MBNL1: variants seen among roughly 807,000 people sequenced by gnomAD.
The protein encoded by MBNL1 is muscleblind like splicing regulator 1, also known as muscleblind-like protein 1.
MBNL1 carries 8 observed loss-of-function variants against 42.2 expected under a neutral mutation model. That is an observed-to-expected ratio of 0.19 (90% CI 0.11 to 0.34). The LOEUF is 0.34. Ranked by LOEUF, MBNL1 falls within the 10% of genes least tolerant of loss-of-function variation. The pLI, the probability that MBNL1 is intolerant of heterozygous loss-of-function variation, is 1.00. For missense variants in MBNL1, 309 were observed against 495.3 expected, an observed-to-expected ratio of 0.62 and a Z score of 3.57; for synonymous variants, 169 against 173.9, an observed-to-expected ratio of 0.97 and a Z score of 0.22.
intron 2 of MBNL1, among the ~76,000 whole-genome samples, chr3:152,327,838 G>T (rs1222801141): frequency 1.3e-5 from 2 of 150,880 alleles, no homozygotes; most frequent in African/African-American, 4.9e-5. Context: ...GCTTTCTTTG[G>T]AGTTCTTGGT....
rs59868027 is a variant in MBNL1 at position 152,356,856 on chromosome 3, A to AGTGTGTGTGTGTGTGTGT, written c.174+56496_174+56513dup. On this transcript the variant is annotated intron_variant, in intron 2 of 9. Transcript: ENST00000324210. The stretch of plus-strand genomic sequence containing the variant: ...AGAGGGGATCTGGGCATATGTGTGT[A>AGTGTGTGTGTGTGTGTGT]GTGTGTGTGTGTGTGTGTGTGTGTT... Among the ~76,000 whole-genome samples, 484 of 149,482 alleles carry AGTGTGTGTGTGTGTGTGT rather than the reference A, an allele frequency of 3.2e-3. 5 individuals carry two copies. Among genetic ancestry groups the AGTGTGTGTGTGTGTGTGT allele is most frequent in the South Asian group, 0.029 (137 of 4,708 alleles).
intron 3 of MBNL1, among the ~76,000 whole-genome samples, chr3:152,418,954 G>T (rs1174544341): frequency 6.6e-6 from 1 of 151,970 alleles, no homozygotes; most frequent in African/African-American, 2.4e-5. Flanking sequence ...CTGACCTTGT[G>T]ATCCGCCTGC....
At chr3:152,373,341 GAAAAAAA>G (rs35536807) in intron 2 of MBNL1, among the ~76,000 whole-genome samples, 109 of 90,532 alleles carry the variant, frequency 1.2e-3, no homozygotes, top group African/African-American at 3.5e-3. Flanking sequence ...CTGGGGTATG[GAAAAAAA>G]AAAAAAAAAA....
intron 2 of MBNL1, among the ~76,000 whole-genome samples, chr3:152,333,329 A>G (rs2086683873): frequency 6.6e-6 from 1 of 152,228 alleles, no homozygotes; most frequent in Admixed American, 6.5e-5. Context: ...AAGCTGGTAA[A>G]TATCATTAAG....
At chr3:152,456,055 T>C (rs1036986584) in intron 7 of MBNL1, among the ~76,000 whole-genome samples, 2 of 151,466 alleles carry the variant, frequency 1.3e-5, no homozygotes, top group Non-Finnish European at 3.0e-5. Flanking sequence ...TTTTTCCCCC[T>C]TTTTTTTCTC....
chr3:152,314,714 G>A (rs1038367566), intron 2 of MBNL1, among the ~76,000 whole-genome samples: 13 of 152,188 alleles, frequency 8.5e-5, no homozygotes, highest in African/African-American at 2.7e-4. Context: ...TCATTTATGA[G>A]TTTGAGACTT....
chr3:152,309,666 G>A (rs1429846106), intron 2 of MBNL1, among the ~76,000 whole-genome samples: 1 of 152,144 alleles, frequency 6.6e-6, no homozygotes, highest in Non-Finnish European at 1.5e-5. Context: ...CAAAAATACA[G>A]ACATAATCAG....
chr3:152,268,803 C>T (rs774853717), upstream of MBNL1: 2 of 444,636 alleles, frequency 4.5e-6, no homozygotes, highest in South Asian at 3.1e-5. Context: ...CTCGCCGCCG[C>T]GTGCATTAGG....
At chr3:152,362,843 T>C (rs965699411) in intron 2 of MBNL1, among the ~76,000 whole-genome samples, 3 of 152,174 alleles carry the variant, frequency 2.0e-5, no homozygotes, top group Non-Finnish European at 4.4e-5. Flanking sequence ...TATTTAAAAA[T>C]CTATATTGAT....
chr3:152,453,871 CTAA>C (rs1325849829), intron 6 of MBNL1, among the ~76,000 whole-genome samples: 1 of 152,068 alleles, frequency 6.6e-6, no homozygotes, highest in Admixed American at 6.5e-5. Context: ...AAGTCTCAGC[CTAA>C]TAATAAATAA....
intron 6 of MBNL1, among the ~76,000 whole-genome samples, chr3:152,451,026 C>T (rs897255515): frequency 2.0e-5 from 3 of 152,112 alleles, no homozygotes; most frequent in Non-Finnish European, 4.4e-5. Flanking sequence ...TCAAGGAATC[C>T]GATCTGAACA....
At chr3:152,455,472 C>A in intron 6 of MBNL1, 70 bp from the exon 7 acceptor site, 1 of 1,209,306 alleles carries the variant, frequency 8.3e-7, no homozygotes, top group Non-Finnish European at 1.2e-6. Flanking sequence ...TCTAATTACA[C>A]GTGTGATGGG....
At chr3:152,307,565 G>A (rs1296987252) in intron 2 of MBNL1, among the ~76,000 whole-genome samples, 1 of 151,854 alleles carries the variant, frequency 6.6e-6, no homozygotes, top group Non-Finnish European at 1.5e-5. Flanking sequence ...AAATCTCATC[G>A]AGATAGTTAC....
chr3:152,368,178 G>T (rs2096502604), intron 2 of MBNL1, among the ~76,000 whole-genome samples: 1 of 151,966 alleles, frequency 6.6e-6, no homozygotes, highest in Admixed American at 6.6e-5. Flanking sequence ...ATCTTGAGTT[G>T]ATTTTTGCAT....
intron 2 of MBNL1, among the ~76,000 whole-genome samples, chr3:152,384,289 A>G (rs2097312946): frequency 1.3e-5 from 2 of 152,104 alleles, no homozygotes. Context: ...CTTTTTATCC[A>G]TGTTATCAGG....
chr3:152,307,314 C>T (rs1288490169), intron 2 of MBNL1, among the ~76,000 whole-genome samples: 1 of 152,100 alleles, frequency 6.6e-6, no homozygotes, highest in East Asian at 1.9e-4. Flanking sequence ...TATAAACAGT[C>T]ACATTTTTAT....
At chr3:152,331,137 G>A (rs896571493) in intron 2 of MBNL1, among the ~76,000 whole-genome samples, 16 of 149,410 alleles carry the variant, frequency 1.1e-4, no homozygotes, top group African/African-American at 4.0e-4. Context: ...TTACTCCCTC[G>A]TTCCTGCTCT....
At chr3:152,403,979 CTG>C (rs768071036) in intron 2 of MBNL1, among the ~76,000 whole-genome samples, 4 of 152,304 alleles carry the variant, frequency 2.6e-5, no homozygotes, top group Non-Finnish European at 2.9e-5. Flanking sequence ...CTGAAGGAGA[CTG>C]TGGTCAGCAG....
intron 2 of MBNL1, among the ~76,000 whole-genome samples, chr3:152,358,772 T>C (rs913554768): frequency 3.4e-5 from 5 of 145,626 alleles, no homozygotes; most frequent in Admixed American, 6.7e-5. Context: ...TTATTACTAT[T>C]ATTATTATTA....
Sources: gnomAD v4.1 joint callset for allele counts (sites outside exome capture counted in the v4.1 genomes callset) on GRCh38, gnomAD v4.1.1 for gene constraint, MANE v1.5 for transcripts, NCBI Gene and HGNC (gene_info 2026-07-23, HGNC 2026-07-21) for gene names.